The following LRRTM3 variants were observed in gnomAD, a reference collection of about 807,000 sequenced individuals.
LRRTM3 encodes the protein leucine-rich repeat transmembrane neuronal protein 3.
In LRRTM3, 24 loss-of-function variants were observed where a neutral mutation model predicts 44.7. The ratio of observed to expected loss-of-function variants is 0.54; its 90% CI spans 0.39 to 0.76. The LOEUF is 0.76. Ranked by LOEUF, LRRTM3 falls within the 30% of genes least tolerant of loss-of-function variation. LRRTM3 has a pLI of 0.00. For missense variants in LRRTM3, 587 were observed against 702.2 expected (o/e 0.84, Z 1.85); for synonymous variants, 277 against 278.7 (o/e 0.99, Z 0.06).
At chr10:67,085,590 T>C (rs1857261466) in intron 2 of LRRTM3, among the ~76,000 whole-genome samples, 1 of 152,030 alleles carries the variant, frequency 6.6e-6, no homozygotes, top group African/African-American at 2.4e-5. Flanking sequence ...AAGAGCTGTA[T>C]TGTCAGACTT....
At position 67,100,235 on chromosome 10, in the gene LRRTM3, G is replaced by A. The variant is rs186632378; in HGVS notation, c.*2439G>A. Among the ~76,000 whole-genome samples, 26 of 151,692 alleles carry A rather than the reference G, an allele frequency of 1.7e-4. No individual in the cohort carries two copies. The highest frequency in any genetic ancestry group is 1.3e-3 in the Admixed American group (19 of 15,166). ...TATTTTAAATTCATCTAAAGTGAAC[G>A]ACTATAAATAGAAGCAATCACCTTG... On this transcript the variant is annotated 3_prime_UTR_variant, in exon 3 of 3. Coordinates refer to ENST00000361320, the MANE Select transcript of LRRTM3 (RefSeq NM_178011.5).
At chr10:67,021,321 G>A (rs10822961) in intron 2 of LRRTM3, among the ~76,000 whole-genome samples, 137,245 of 152,156 alleles carry the variant, frequency 0.9, 62,323 homozygotes, top group South Asian at 0.97. Context: ...ATAATTGTGA[G>A]GTTAAAATGT....
chr10:67,009,467 T>C (rs1196872549), intron 2 of LRRTM3, among the ~76,000 whole-genome samples: 2 of 152,140 alleles, frequency 1.3e-5, no homozygotes, highest in African/African-American at 4.8e-5. Flanking sequence ...CATAACCTCT[T>C]TCATCTGTTT....
Position 66,990,270 on chromosome 10 carries a change from A to G in LRRTM3, c.1536+61818A>G, listed in dbSNP as rs188888181. Among the ~76,000 whole-genome samples, 186 of 152,194 alleles carry G rather than the reference A, an allele frequency of 1.2e-3. 2 individuals carry two copies. The highest frequency in any genetic ancestry group is 4.3e-3 in the African/African-American group (180 of 41,540). On this transcript the variant is annotated intron_variant, in intron 2 of 2. Coordinates refer to ENST00000361320, the MANE Select transcript of LRRTM3 (RefSeq NM_178011.5). ...CTCCCAATATCCACAGCAGCCACTC[A>G]ACACTGTAGTGCTGTGGCCAGGTGA...
rs940950434 is a variant in LRRTM3 at position 66,926,365 on chromosome 10, C to T, written c.-219C>T. ...TACCTAGGAAGATTTTGATGTTTTG[C>T]TGCGAATGCGGTGTTGGGATTTATT... On this transcript the variant is annotated 5_prime_UTR_variant, in exon 1 of 3. Coordinates refer to ENST00000361320, the MANE Select transcript of LRRTM3 (RefSeq NM_178011.5). The T allele has an allele frequency of 5.1e-6, 3 of 592,206 alleles. No homozygotes were observed. Among genetic ancestry groups the T allele is most frequent in the Non-Finnish European group, 9.1e-6 (3 of 327,870 alleles). The allele number at this position is 592,206 out of a possible 1,614,324, so 36.7% of individuals were successfully genotyped here.
intron 2 of LRRTM3, among the ~76,000 whole-genome samples, chr10:67,090,255 G>T (rs961902896): frequency 1.3e-5 from 2 of 152,082 alleles, no homozygotes; most frequent in Admixed American, 1.3e-4. Flanking sequence ...GTAAGAAGCA[G>T]AGAACTCTGA....
intron 2 of LRRTM3, among the ~76,000 whole-genome samples, chr10:67,005,686 T>TTTTTTTTTTTGTTTG (rs1851932926): frequency 4.0e-5 from 4 of 101,152 alleles, no homozygotes; most frequent in African/African-American, 1.3e-4. Flanking sequence ...CTCCATCTTT[T>TTTTTTTTTTTGTTTG]TTTTTTTTTT....
intron 2 of LRRTM3, among the ~76,000 whole-genome samples, chr10:67,007,208 G>A (rs1852046949): frequency 6.6e-6 from 1 of 152,160 alleles, no homozygotes; most frequent in East Asian, 1.9e-4. Context: ...ATTCTTGGGT[G>A]TCAGTTCCTG....
intron 2 of LRRTM3, among the ~76,000 whole-genome samples, chr10:67,026,335 G>A (rs1165814010): frequency 1.3e-5 from 2 of 151,732 alleles, no homozygotes; most frequent in African/African-American, 2.4e-5. Context: ...GTTTTAAGAA[G>A]ATGAATTAAT....
chr10:66,985,417 C>T (rs1850673278), intron 2 of LRRTM3, among the ~76,000 whole-genome samples: 1 of 152,092 alleles, frequency 6.6e-6, no homozygotes, highest in Admixed American at 6.6e-5. Flanking sequence ...CAACAGGAAC[C>T]TGGCCTTAGG....
chr10:66,929,121 G>A (rs145829614), intron 2 of LRRTM3, among the ~76,000 whole-genome samples: 1 of 152,320 alleles, frequency 6.6e-6, no homozygotes, highest in Non-Finnish European at 1.5e-5. Context: ...TGCAAAATGT[G>A]AGGAGATGAC....
intron 2 of LRRTM3, among the ~76,000 whole-genome samples, chr10:67,009,993 T>C (rs1031351402): frequency 6.6e-6 from 1 of 152,202 alleles, no homozygotes; most frequent in African/African-American, 2.4e-5. Flanking sequence ...TTCAGCTACC[T>C]GTCCTGGAGG....
chr10:67,084,720 G>T (rs1201805380), intron 2 of LRRTM3, among the ~76,000 whole-genome samples: 1 of 151,778 alleles, frequency 6.6e-6, no homozygotes, highest in Non-Finnish European at 1.5e-5. Flanking sequence ...ATAAATTATT[G>T]CTATTACTCA....
At chr10:67,097,300 T>C (rs2131932363) in intron 2 of LRRTM3, among the ~76,000 whole-genome samples, 1 of 152,078 alleles carries the variant, frequency 6.6e-6, no homozygotes, top group South Asian at 2.1e-4. Flanking sequence ...AGCAATTTTC[T>C]GACTGTTCCA....
chr10:67,037,741 G>A (rs1005963156), intron 2 of LRRTM3, among the ~76,000 whole-genome samples: 1 of 152,176 alleles, frequency 6.6e-6, no homozygotes, highest in African/African-American at 2.4e-5. Flanking sequence ...GTGAGAGGAG[G>A]AGGAATCAAG....
intron 2 of LRRTM3, among the ~76,000 whole-genome samples, chr10:66,938,276 A>G (rs1847822811): frequency 6.6e-6 from 1 of 152,136 alleles, no homozygotes; most frequent in Non-Finnish European, 1.5e-5. Flanking sequence ...GTGAGGGTCA[A>G]GAGAACAAAC....
chr10:66,997,573 A>G (rs181625919), intron 2 of LRRTM3, among the ~76,000 whole-genome samples: 156 of 152,308 alleles, frequency 1.0e-3, no homozygotes, highest in African/African-American at 3.5e-3. Flanking sequence ...TATTCATGTA[A>G]CTAAATACTC....
At chr10:67,036,430 C>T (rs1436429505) in intron 2 of LRRTM3, among the ~76,000 whole-genome samples, 1 of 152,060 alleles carries the variant, frequency 6.6e-6, no homozygotes, top group Non-Finnish European at 1.5e-5. Context: ...CTTTGGAAGG[C>T]TGAGGCGGGC....
intron 2 of LRRTM3, among the ~76,000 whole-genome samples, chr10:67,075,496 G>A (rs1341124290): frequency 6.6e-6 from 1 of 152,160 alleles, no homozygotes; most frequent in Non-Finnish European, 1.5e-5. Context: ...TAAGAAAGGT[G>A]AAGTTGGAAA....
Sources: allele counts gnomAD v4.1 joint callset (sites outside exome capture counted in the v4.1 genomes callset), GRCh38; gene constraint gnomAD v4.1.1; transcripts MANE v1.5; gene names NCBI Gene and HGNC (gene_info 2026-07-23, HGNC 2026-07-21).